Variants in DRD3 observed in about 807,000 individuals in gnomAD.
DRD3 encodes D(3) dopamine receptor.
DRD3 carries 19 observed loss-of-function variants against 36.3 expected under a neutral mutation model. The ratio of observed to expected loss-of-function variants is 0.52; its 90% CI spans 0.36 to 0.77. The LOEUF is 0.77. DRD3 is among the 30% of genes least tolerant of loss of function. The probability of loss-of-function intolerance (pLI) is 0.00; values close to 1 mark genes in which losing one functional copy is unlikely to be tolerated. For missense variants in DRD3, 465 were observed against 505.3 expected, an observed-to-expected ratio of 0.92 and a Z score of 0.77; for synonymous variants, 195 against 203.7, an observed-to-expected ratio of 0.96 and a Z score of 0.36.
At chr3:114,196,625 A>G (rs1418102985) in intron 1 of DRD3, among the ~76,000 whole-genome samples, 1 of 150,378 alleles carries the variant, frequency 6.6e-6, no homozygotes, top group Non-Finnish European at 1.5e-5. Flanking sequence ...TTCCAGCTCT[A>G]CATCCTTACT....
chr3:114,164,236 A>AAAAAAAAAAAAAAAAAAAG, intron 2 of DRD3, among the ~76,000 whole-genome samples: 1 of 149,688 alleles, frequency 6.7e-6, no homozygotes, highest in Non-Finnish European at 1.5e-5. Context: ...AAAAAAAAAA[A>AAAAAAAAAAAAAAAAAAAG]AAAAAAAAAA....
chr3:114,190,362 T>A (rs1341265449), intron 1 of DRD3, among the ~76,000 whole-genome samples: 3 of 134,224 alleles, frequency 2.2e-5, no homozygotes, highest in Admixed American at 8.1e-5. Flanking sequence ...AATCCATGCA[T>A]AACTATTGCC....
intron 1 of DRD3, among the ~76,000 whole-genome samples, chr3:114,187,791 G>T (rs1576091067): frequency 6.6e-6 from 1 of 152,090 alleles, no homozygotes; most frequent in East Asian, 1.9e-4. Flanking sequence ...CTCTCAAATT[G>T]GCTCAAACTG....
At chr3:114,191,441 T>C (rs1000032179) in intron 1 of DRD3, among the ~76,000 whole-genome samples, 13 of 152,168 alleles carry the variant, frequency 8.5e-5, no homozygotes, top group African/African-American at 3.1e-4. Context: ...AGGCCAGTGT[T>C]GCTGGGTGTA....
Position 114,130,055 on chromosome 3 carries a change from C to G in DRD3, c.1006+1063G>C, listed in dbSNP as rs1278804144. The stretch of plus-strand genomic sequence containing the variant: ...TTGATGCCATGAGTTTGAGACCAGC[C>G]TGGGCAACGTAATGAGACCCTGTCA... On this transcript the variant is annotated intron_variant, in intron 6 of 6. Transcript: ENST00000383673. Among the ~76,000 whole-genome samples the G allele has an allele frequency of 2.6e-5, 4 of 152,114 alleles. No individual in the cohort carries two copies. The East Asian group carries it at 7.7e-4, about 29-fold the overall frequency.
chr3:114,139,644 T>C lies in DRD3; in HGVS notation c.579A>G (p.Ser193=). 2 of 1,614,138 alleles carry C rather than the reference T, an allele frequency of 1.2e-6. No individual in the cohort carries two copies. The highest frequency in any genetic ancestry group is 1.7e-6 in the Non-Finnish European group (2 of 1,180,032). The part of the protein sequence containing the change: ...ISNPDFVIYS[S]VVSFYLPFGV... ...CAAAGGGCAGGTAGAAGGACACCAC[T>C]GAAGAGTAGATGACAAAATCAGGGT... Residue 193 remains serine (S), a synonymous_variant, in exon 5 of 7, where the codon TCA becomes TCG. Coordinates refer to ENST00000383673, the MANE Select transcript of DRD3 (RefSeq NM_000796.6).
chr3:114,190,922 ACT>A, intron 1 of DRD3, among the ~76,000 whole-genome samples: 1 of 151,870 alleles, frequency 6.6e-6, no homozygotes, highest in Non-Finnish European at 1.5e-5. Context: ...GAAAAGGAAG[ACT>A]CTCCAGAGAA....
intron 1 of DRD3, among the ~76,000 whole-genome samples, chr3:114,173,219 C>T (rs1470622483): frequency 6.6e-6 from 1 of 152,172 alleles, no homozygotes; most frequent in East Asian, 1.9e-4. Context: ...GTGCCTTGAT[C>T]TTGGACTTCC....
At chr3:114,176,777 G>A (rs946319707) in intron 1 of DRD3, among the ~76,000 whole-genome samples, 3 of 152,230 alleles carry the variant, frequency 2.0e-5, no homozygotes, top group Middle Eastern at 3.4e-3. Context: ...ACCACCAGTC[G>A]CCAGAGCTTT....
Position 114,159,826 on chromosome 3 carries a change from A to T in DRD3, c.312T>A (p.Asp104Glu). ...TCATGACATCCAGGGTGACAAAAAC[A>T]TCACAGCAAATGCGGCTGAAATTCC... ...GVWNFSRICC[D>E]VFVTLDVMMC... Residue 104 changes from aspartate (D) to glutamate (E), a missense_variant, in exon 3 of 7, where the codon GAT becomes GAA. Physicochemically the swap from Asp to Glu is conservative, Grantham distance 45. Coordinates refer to ENST00000383673, the MANE Select transcript of DRD3 (RefSeq NM_000796.6). 6.2e-7 allele frequency: 1 copy of T among 1,614,178 alleles called. No individual in the cohort carries two copies. Among genetic ancestry groups the T allele is most frequent in the Non-Finnish European group, 8.5e-7 (1 of 1,180,000 alleles).
intron 1 of DRD3, among the ~76,000 whole-genome samples, chr3:114,194,716 C>T (rs946786598): frequency 2.0e-5 from 3 of 152,158 alleles, no homozygotes; most frequent in South Asian, 2.1e-4. Flanking sequence ...ACTTGCTACC[C>T]GCCTTTTTCT....
At chr3:114,141,830 T>A (rs2077526158) in intron 4 of DRD3, among the ~76,000 whole-genome samples, 1 of 151,756 alleles carries the variant, frequency 6.6e-6, no homozygotes, top group African/African-American at 2.4e-5. Flanking sequence ...GGCAGGTGGA[T>A]CACAAGGTCA....
chr3:114,192,732 A>C (rs1244069401), intron 1 of DRD3, among the ~76,000 whole-genome samples: 1 of 152,208 alleles, frequency 6.6e-6, no homozygotes, highest in African/African-American at 2.4e-5. Flanking sequence ...TCCAATTGTC[A>C]ATGGAACAGT....
At chr3:114,181,531 T>C (rs1381570325), upstream of DRD3, among the ~76,000 whole-genome samples, 1 of 152,186 alleles carries the variant, frequency 6.6e-6, no homozygotes, top group Non-Finnish European at 1.5e-5. Flanking sequence ...TGGGAAGAAC[T>C]CCAAGATGCC....
intron 2 of DRD3, among the ~76,000 whole-genome samples, chr3:114,162,650 G>A (rs1238999583): frequency 6.6e-6 from 1 of 152,190 alleles, no homozygotes; most frequent in Admixed American, 6.5e-5. Context: ...CATTGCAGAG[G>A]AAGAATCTAA....
At chr3:114,181,066 A>G (rs78790093), upstream of DRD3, among the ~76,000 whole-genome samples, 4,268 of 152,284 alleles carry the variant, frequency 0.028, 108 homozygotes, top group Non-Finnish European at 0.046. Context: ...AGTAGGAAGA[A>G]CCCTATTTCT....
At chr3:114,190,405 A>C in intron 1 of DRD3, among the ~76,000 whole-genome samples, 1 of 116,338 alleles carries the variant, frequency 8.6e-6, no homozygotes, top group Admixed American at 9.6e-5. Flanking sequence ...AGAGAGGAAA[A>C]AGGATAATAT....
At chr3:114,193,568 C>T (rs1370495499) in intron 1 of DRD3, among the ~76,000 whole-genome samples, 1 of 152,162 alleles carries the variant, frequency 6.6e-6, no homozygotes, top group Non-Finnish European at 1.5e-5. Context: ...ACCTACTATG[C>T]AGATATAGAG....
intron 4 of DRD3, 67 bp from the exon 5 acceptor site, chr3:114,139,763 A>T: frequency 6.7e-7 from 1 of 1,489,900 alleles, no homozygotes; most frequent in East Asian, 2.3e-5. Context: ...AGCATAAAAC[A>T]CGGCTCCATG....
Sources: gnomAD v4.1 joint callset for allele counts (sites outside exome capture counted in the v4.1 genomes callset) on GRCh38, gnomAD v4.1.1 for gene constraint, MANE v1.5 for transcripts, NCBI Gene and HGNC (gene_info 2026-07-23, HGNC 2026-07-21) for gene names.